Variants in DMC1 observed in about 807,000 individuals in gnomAD.
The protein encoded by DMC1 is DNA meiotic recombinase 1, also known as meiotic recombination protein DMC1 homolog.
Under a neutral mutation model 50.1 loss-of-function variants are expected in DMC1, and 27 were observed. That is an observed-to-expected ratio of 0.54 (90% CI 0.40 to 0.74). The LOEUF (loss-of-function observed/expected upper bound fraction) is 0.74, where lower values mean the gene tolerates loss of function less well. DMC1 is among the 30% of genes least tolerant of loss of function. DMC1 has a pLI of 0.00. For synonymous variants in DMC1, 148 were observed against 136.1 expected, an observed-to-expected ratio of 1.09 and a Z score of -0.61; for missense variants, 295 against 420.2, an observed-to-expected ratio of 0.70 and a Z score of 2.60.
chr22:38,537,502 G>T, intron 12 of DMC1, 90 bp downstream of exon 12: 1 of 1,260,728 alleles, frequency 7.9e-7, no homozygotes, highest in Non-Finnish European at 1.2e-6. Flanking sequence ...GTGAGCCACC[G>T]TGCCCGGCCT....
intron 12 of DMC1, among the ~76,000 whole-genome samples, chr22:38,523,030 C>A (rs1346019495): frequency 2.0e-5 from 3 of 152,112 alleles, no homozygotes; most frequent in Admixed American, 2.0e-4. Context: ...ACCACTTGAG[C>A]CCAGGAATTC....
At chr22:38,569,436 T>C (rs909301312) in intron 1 of DMC1, 1 of 151,960 alleles carries the variant, frequency 6.6e-6, no homozygotes, top group Admixed American at 6.6e-5. Context: ...AGGAGCAGGG[T>C]CCTACCACCC....
At chr22:38,539,604 A>G (rs1465122986) in intron 8 of DMC1, among the ~76,000 whole-genome samples, 192 bp from the exon 9 acceptor site, 1 of 152,238 alleles carries the variant, frequency 6.6e-6, no homozygotes, top group Non-Finnish European at 1.5e-5. Flanking sequence ...TCAACTTACC[A>G]TAGGTAGTGA....
chr22:38,543,632 AC>A (rs2090311129), intron 8 of DMC1, among the ~76,000 whole-genome samples: 1 of 152,118 alleles, frequency 6.6e-6, no homozygotes, highest in Non-Finnish European at 1.5e-5. Flanking sequence ...TTAAAGGTTA[AC>A]TTCCTCCTTC....
At chr22:38,520,900 G>A (rs377397159) in intron 13 of DMC1, among the ~76,000 whole-genome samples, 2 of 148,450 alleles carry the variant, frequency 1.3e-5, no homozygotes, top group Admixed American at 1.3e-4. Context: ...TTTTTGAGAC[G>A]GAGTCTCACT....
intron 12 of DMC1, among the ~76,000 whole-genome samples, chr22:38,537,276 C>T (rs918855290): frequency 2.0e-5 from 3 of 150,698 alleles, no homozygotes; most frequent in South Asian, 2.1e-4. Flanking sequence ...TACAATGGCG[C>T]GATCTCGGCT....
intron 12 of DMC1, among the ~76,000 whole-genome samples, chr22:38,525,998 GAT>G (rs1210215411): frequency 4.0e-5 from 6 of 151,780 alleles, no homozygotes; most frequent in Admixed American, 3.9e-4. Context: ...GAAAAAGAAA[GAT>G]ATTATGGGGA....
intron 8 of DMC1, among the ~76,000 whole-genome samples, chr22:38,545,107 C>G (rs2090329555): frequency 6.6e-6 from 1 of 151,810 alleles, no homozygotes; most frequent in African/African-American, 2.4e-5. Flanking sequence ...GGCTTTTATA[C>G]AAAAGACAGG....
At chr22:38,535,437 C>CAT (rs1002339736) in intron 12 of DMC1, among the ~76,000 whole-genome samples, 2 of 151,854 alleles carry the variant, frequency 1.3e-5, no homozygotes, top group Non-Finnish European at 2.9e-5. Context: ...CACACACACA[C>CAT]ATACAGGAGA....
chr22:38,555,215 T>C (rs1353232725), intron 6 of DMC1, 142 bp downstream of exon 6: 1 of 612,570 alleles, frequency 1.6e-6, no homozygotes, highest in Non-Finnish European at 2.9e-6. Flanking sequence ...TCTCATGTTA[T>C]GATAATTGAG....
chr22:38,552,743 A>G (rs1298740160), intron 6 of DMC1, 36 bp from the exon 7 acceptor site: 10 of 1,372,554 alleles, frequency 7.3e-6, no homozygotes, highest in Admixed American at 1.7e-5. Flanking sequence ...TTAAAAATGC[A>G]TAATTTCCAG....
chr22:38,516,623 A>G (rs1432814368), downstream of DMC1, among the ~76,000 whole-genome samples: 1 of 152,034 alleles, frequency 6.6e-6, no homozygotes, highest in Non-Finnish European at 1.5e-5. Flanking sequence ...AAGATAGGAG[A>G]GGCTTGTAGA....
intron 2 of DMC1, among the ~76,000 whole-genome samples, chr22:38,567,974 G>A (rs182866024): frequency 6.6e-6 from 1 of 152,222 alleles, no homozygotes; most frequent in African/African-American, 2.4e-5. Flanking sequence ...CGGTACCCGT[G>A]TGTGTAGGTA....
chr22:38,516,060 C>T (rs185218241), downstream of DMC1, among the ~76,000 whole-genome samples: 11 of 152,242 alleles, frequency 7.2e-5, no homozygotes, highest in Admixed American at 7.2e-4. Context: ...GACTGGAAAG[C>T]CATGGTCCTT....
chr22:38,563,980 G>A (rs1358452673), intron 4 of DMC1, among the ~76,000 whole-genome samples: 6 of 152,056 alleles, frequency 3.9e-5, no homozygotes, highest in East Asian at 3.9e-4. Flanking sequence ...GATTACAGGC[G>A]TGAGCCACCA....
At chr22:38,549,809 C>G in intron 8 of DMC1, 116 bp downstream of exon 8, 1 of 760,222 alleles carries the variant, frequency 1.3e-6, no homozygotes, top group Non-Finnish European at 2.2e-6. Flanking sequence ...TTTGGTTTGT[C>G]TCATTACTAC....
chr22:38,535,069 G>A (rs556447473), intron 12 of DMC1, among the ~76,000 whole-genome samples: 3 of 152,124 alleles, frequency 2.0e-5, no homozygotes, highest in Admixed American at 6.5e-5. Context: ...GGAGGCCGGG[G>A]CAGGTGGATC....
chr22:38,538,014 G>A (rs1222771743), intron 11 of DMC1, among the ~76,000 whole-genome samples: 2 of 151,958 alleles, frequency 1.3e-5, no homozygotes, highest in East Asian at 3.9e-4. Flanking sequence ...TGTGATGGCA[G>A]GTGCCTGTAA....
intron 5 of DMC1, 48 bp from the exon 6 acceptor site, chr22:38,555,457 T>C: frequency 1.6e-6 from 2 of 1,234,084 alleles, no homozygotes; most frequent in Non-Finnish European, 2.4e-6. Context: ...AATAGAAATA[T>C]TAAGAGAGGA....
Sources: allele counts gnomAD v4.1 joint callset (sites outside exome capture counted in the v4.1 genomes callset), GRCh38; gene constraint gnomAD v4.1.1; transcripts MANE v1.5; gene names NCBI Gene and HGNC (gene_info 2026-07-23, HGNC 2026-07-21).